Variants in MYRIP observed in about 807,000 individuals in gnomAD.
MYRIP encodes the protein myosin VIIA and Rab interacting protein.
Under a neutral mutation model 98.0 loss-of-function variants are expected in MYRIP, and 49 were observed. That is an observed-to-expected ratio of 0.50 (90% confidence interval 0.40 to 0.63). MYRIP has a LOEUF of 0.63. Ranked by LOEUF, MYRIP falls within the 30% of genes least tolerant of loss-of-function variation. The pLI is 0.00. For synonymous variants in MYRIP, 404 were observed against 409.5 expected (o/e 0.99, Z 0.16); for missense variants, 1,004 against 1,058.2 (o/e 0.95, Z 0.71).
intron 2 of MYRIP, among the ~76,000 whole-genome samples, chr3:40,041,195 A>G (rs1298826437): frequency 7.4e-6 from 1 of 135,124 alleles, no homozygotes; most frequent in Non-Finnish European, 1.6e-5. Flanking sequence ...TTAGGAAATC[A>G]TGTTGGTCAA....
At chr3:40,154,595 G>A (rs1224149025) in intron 4 of MYRIP, among the ~76,000 whole-genome samples, 2 of 152,078 alleles carry the variant, frequency 1.3e-5, no homozygotes, top group Non-Finnish European at 2.9e-5. Context: ...AGGACGTGCA[G>A]GTTTGTTACA....
chr3:39,991,973 A>C (rs1033570091), intron 2 of MYRIP, among the ~76,000 whole-genome samples: 6 of 152,162 alleles, frequency 3.9e-5, no homozygotes, highest in Admixed American at 3.9e-4. Flanking sequence ...AACCTTCCAA[A>C]ATAAGCTTGT....
intron 3 of MYRIP, among the ~76,000 whole-genome samples, chr3:40,092,976 T>A (rs555221307): frequency 6.6e-6 from 1 of 152,250 alleles, no homozygotes; most frequent in Admixed American, 6.5e-5. Context: ...AGTGACTCCC[T>A]CCCAGAATCT....
intron 3 of MYRIP, among the ~76,000 whole-genome samples, chr3:40,117,287 G>C (rs1048864385): frequency 3.3e-5 from 5 of 152,146 alleles, no homozygotes; most frequent in African/African-American, 9.7e-5. Context: ...TGAAAATCAG[G>C]AACAGAACTG....
In MYRIP at chr3:39,859,926, G is replaced by A. The variant is rs527432110; in HGVS notation, c.-30-40861G>A. On this transcript the variant is annotated intron_variant, in intron 1 of 16. Coordinates refer to ENST00000302541, the MANE Select transcript of MYRIP (RefSeq NM_015460.4). ...ACATCATACTCAGCAGTGAAAAGCC[G>A]AAAGCTTTTTCTCTAAGCTCAGAAA... Among the ~76,000 whole-genome samples the A allele has an allele frequency of 6.6e-5, 10 of 152,238 alleles. No individual in the cohort carries two copies. In the East Asian group the frequency reaches 7.7e-4, roughly 12 times the overall value.
At chr3:39,870,314 G>T (rs1468424115) in intron 1 of MYRIP, among the ~76,000 whole-genome samples, 1 of 152,188 alleles carries the variant, frequency 6.6e-6, no homozygotes, top group African/African-American at 2.4e-5. Context: ...TGCCAGGAAG[G>T]ACTGGATTAG....
At chr3:39,921,520 C>G (rs537173287) in intron 2 of MYRIP, among the ~76,000 whole-genome samples, 1 of 152,258 alleles carries the variant, frequency 6.6e-6, no homozygotes, top group Non-Finnish European at 1.5e-5. Context: ...GAATTTGCAG[C>G]CTGTGTTACA....
intron 11 of MYRIP, among the ~76,000 whole-genome samples, chr3:40,218,612 TTATATATA>T (rs751894190): frequency 4.6e-3 from 62 of 13,542 alleles, no homozygotes; most frequent in African/African-American, 7.3e-3. Flanking sequence ...TATATATATT[TTATATATA>T]TATATATATA....
intron 9 of MYRIP, among the ~76,000 whole-genome samples, chr3:40,186,241 C>A (rs1363511437): frequency 6.6e-6 from 1 of 152,100 alleles, no homozygotes; most frequent in Non-Finnish European, 1.5e-5. Context: ...CTTTTCCTTT[C>A]TTCTCAGAGT....
chr3:39,919,605 T>C (rs1331550525), intron 2 of MYRIP, among the ~76,000 whole-genome samples: 1 of 152,126 alleles, frequency 6.6e-6, no homozygotes, highest in Non-Finnish European at 1.5e-5. Flanking sequence ...TAAGCGCTTA[T>C]GTTGCTGTAA....
intron 2 of MYRIP, among the ~76,000 whole-genome samples, chr3:39,904,574 GGATGT>G (rs1336678932): frequency 1.3e-5 from 2 of 152,028 alleles, no homozygotes; most frequent in African/African-American, 4.8e-5. Context: ...TATTTAGAAT[GGATGT>G]GATATTGTTA....
Position 40,084,413 on chromosome 3 carries a change from AT to A in MYRIP, c.332+40143del, listed in dbSNP as rs1559393709. On this transcript the variant is annotated intron_variant, in intron 3 of 16. Transcript: ENST00000302541. ...GATAGATAATACACATCTATGTATT[AT>A]CTATCGGTAGATAATACACATCTAT... is the stretch of plus-strand genomic sequence containing the variant. Among the ~76,000 whole-genome samples, 312 of 83,814 alleles carry A rather than the reference AT, an allele frequency of 3.7e-3. 5 individuals carry two copies. The highest frequency in any genetic ancestry group is 5.7e-3 in the East Asian group (18 of 3,170). 55.0% of individuals were successfully genotyped at this position (83,814 alleles called of 152,430 possible). A position where few individuals can be genotyped will look rare whatever the true frequency, so the allele number is the denominator to read the frequency against.
chr3:39,825,315 T>G (rs1941230303), intron 1 of MYRIP, among the ~76,000 whole-genome samples: 1 of 152,214 alleles, frequency 6.6e-6, no homozygotes, highest in Admixed American at 6.5e-5. Context: ...TTCAGTATGA[T>G]GTTAGCTGTG....
intron 2 of MYRIP, among the ~76,000 whole-genome samples, chr3:40,017,693 C>CTTTTTTTTT (rs904657247): frequency 3.5e-5 from 4 of 114,750 alleles, no homozygotes; most frequent in Non-Finnish European, 5.4e-5. Flanking sequence ...TAATTTACTT[C>CTTTTTTTTT]TTTTTTTTTT....
At chr3:40,172,785 C>T (rs1950645607) in intron 8 of MYRIP, among the ~76,000 whole-genome samples, 1 of 152,200 alleles carries the variant, frequency 6.6e-6, no homozygotes, top group South Asian at 2.1e-4. Context: ...TTCCCCCACA[C>T]AGCCAGATGG....
At chr3:40,186,675 A>G (rs951659527) in intron 9 of MYRIP, among the ~76,000 whole-genome samples, 15 of 152,178 alleles carry the variant, frequency 9.9e-5, no homozygotes, top group African/African-American at 3.4e-4. Context: ...GCCTCAAGTA[A>G]AGACTTGCAA....
chr3:39,870,969 G>A (rs9311224), intron 1 of MYRIP, among the ~76,000 whole-genome samples: 70,030 of 151,936 alleles, frequency 0.46, 16,853 homozygotes, highest in African/African-American at 0.61. Flanking sequence ...CCAAAGAAAA[G>A]ATGAAGTGTA....
At chr3:39,956,590 T>A (rs931090693) in intron 2 of MYRIP, among the ~76,000 whole-genome samples, 6 of 152,024 alleles carry the variant, frequency 3.9e-5, no homozygotes, top group African/African-American at 1.5e-4. Flanking sequence ...AGATCTAAAA[T>A]GGACACCCCA....
chr3:39,922,157 T>C (rs114262944), intron 2 of MYRIP, among the ~76,000 whole-genome samples: 5,613 of 152,120 alleles, frequency 0.037, 345 homozygotes, highest in African/African-American at 0.13. Flanking sequence ...TATATTTGAG[T>C]CTTGAAGGTG....
Sources: allele counts gnomAD v4.1 joint callset (sites outside exome capture counted in the v4.1 genomes callset), GRCh38; gene constraint gnomAD v4.1.1; transcripts MANE v1.5; gene names NCBI Gene and HGNC (gene_info 2026-07-23, HGNC 2026-07-21).